Variants in CSMD3 observed in about 807,000 individuals in gnomAD.
CSMD3 encodes the protein CUB and Sushi multiple domains 3, also known as CUB and sushi domain-containing protein 3.
In CSMD3, 177 loss-of-function variants were observed where a neutral mutation model predicts 435.2. That is an observed-to-expected ratio of 0.41 (90% CI 0.36 to 0.46). CSMD3 has a LOEUF of 0.46. CSMD3 is among the 20% of genes least tolerant of loss of function. The probability of loss-of-function intolerance (pLI) is 0.34; values close to 1 mark genes in which losing one functional copy is unlikely to be tolerated. For synonymous variants in CSMD3, 1,656 were observed against 1,520.5 expected (o/e 1.09, Z -2.07); for missense variants, 4,265 against 4,504.6 (o/e 0.95, Z 1.52).
chr8:113,343,195 C>A (rs914079033), intron 1 of CSMD3, among the ~76,000 whole-genome samples: 11 of 151,610 alleles, frequency 7.3e-5, no homozygotes, highest in Non-Finnish European at 4.4e-5. Context: ...ACTTTTAAAG[C>A]TATTTAAGAG....
At chr8:112,808,840 A>T (rs2079154989) in intron 12 of CSMD3, among the ~76,000 whole-genome samples, 1 of 152,046 alleles carries the variant, frequency 6.6e-6, no homozygotes, top group Non-Finnish European at 1.5e-5. Context: ...GGTCGCCAGC[A>T]ATAAAAGGAC....
intron 5 of CSMD3, among the ~76,000 whole-genome samples, chr8:113,075,241 A>G (rs560253079): frequency 1.3e-4 from 19 of 151,970 alleles, no homozygotes; most frequent in African/African-American, 3.9e-4. Flanking sequence ...TGCCATTGAC[A>G]TCGTGAATCC....
At chr8:112,543,560 T>A (rs1162036445) in intron 27 of CSMD3, among the ~76,000 whole-genome samples, 1 of 151,988 alleles carries the variant, frequency 6.6e-6, no homozygotes, top group Non-Finnish European at 1.5e-5. Flanking sequence ...GTCAGGAGGG[T>A]TATTATTTAT....
chr8:112,554,162 T>C (rs1827920270), intron 25 of CSMD3, among the ~76,000 whole-genome samples: 1 of 151,764 alleles, frequency 6.6e-6, no homozygotes, highest in African/African-American at 2.4e-5. Context: ...AATAAAGCTC[T>C]ATAGATAGAT....
At chr8:113,399,742 G>T (rs2094501347) in intron 1 of CSMD3, among the ~76,000 whole-genome samples, 1 of 151,846 alleles carries the variant, frequency 6.6e-6, no homozygotes, top group African/African-American at 2.4e-5. Flanking sequence ...TTAGATTGTG[G>T]AGATGACTGT....
chr8:112,886,754 T>G (rs925123774), intron 10 of CSMD3, among the ~76,000 whole-genome samples: 1 of 151,562 alleles, frequency 6.6e-6, no homozygotes, highest in Non-Finnish European at 1.5e-5. Context: ...TCAAGTTCCT[T>G]ATAAAATGTG....
intron 63 of CSMD3, among the ~76,000 whole-genome samples, chr8:112,250,164 G>C (rs1563688028): frequency 6.6e-6 from 1 of 151,532 alleles, no homozygotes; most frequent in Non-Finnish European, 1.5e-5. Flanking sequence ...CCTTTATATT[G>C]GTCAGGTATA....
intron 53 of CSMD3, among the ~76,000 whole-genome samples, chr8:112,297,421 T>C (rs1417520822): frequency 6.6e-6 from 1 of 152,020 alleles, no homozygotes; most frequent in Non-Finnish European, 1.5e-5. Flanking sequence ...GAAATGAAGT[T>C]TGGCTAAATA....
Position 112,306,015 on chromosome 8 carries a change from C to G in CSMD3, c.8063G>C (p.Arg2688Pro), listed in dbSNP as rs376353166. ...GTWSNHNKTP[R>P]CVVVTCPSIN... Reference sequence around the variant, plus strand: ...TCCCTTGACACACATACCAACACAGCGAGGGGTCTTGTTATGATTGCTCCA... The same window carrying G: ...TCCCTTGACACACATACCAACACAGGGAGGGGTCTTGTTATGATTGCTCCA... Residue 2688 changes from arginine (R) to proline (P), a missense_variant, in exon 51 of 71, where the codon CGC becomes CCC. By Grantham distance (103) the Arg-to-Pro change is moderately radical. Around this residue, in one of 3 missense-constraint regions of CSMD3, gnomAD observed 3,255 missense variants for 3,380.2 expected, o/e 0.96. Coordinates refer to ENST00000297405, the MANE Select transcript of CSMD3 (RefSeq NM_198123.2). 1.2e-6 allele frequency: 2 copies of G among 1,613,266 alleles called. No homozygotes were observed. The highest frequency in any genetic ancestry group is 2.2e-5 in the South Asian group (2 of 91,076).
At chr8:113,291,216 GCTGT>G (rs1439342764) in intron 2 of CSMD3, among the ~76,000 whole-genome samples, 3 of 151,514 alleles carry the variant, frequency 2.0e-5, no homozygotes, top group Admixed American at 6.6e-5. Context: ...TAAATGTTTT[GCTGT>G]CTATTATGTA....
chr8:112,304,733 G>T lies in CSMD3; in HGVS notation c.8254C>A (p.Pro2752Thr), dbSNP rs768440490. ...NGTWSWRNERPYCQIISCGEL... is the reference protein window; with the variant it reads ...NGTWSWRNERTYCQIISCGEL... ...AGTGTATACTTACTTTGGCAATATG[G>T]TCTTTCATTTCTCCAACTCCAAGTA... The change falls in exon 52 of 71, where the codon CCA becomes ACA. Residue 2752 changes from proline to threonine, a missense_variant. Transcript: ENST00000297405. 3 of 1,612,506 alleles carry T rather than the reference G, an allele frequency of 1.9e-6. No individual in the cohort carries two copies. The highest frequency in any genetic ancestry group is 2.5e-6 in the Non-Finnish European group (3 of 1,178,592).
chr8:112,930,800 T>G (rs1587699173), intron 9 of CSMD3, among the ~76,000 whole-genome samples: 1 of 152,108 alleles, frequency 6.6e-6, no homozygotes, highest in East Asian at 1.9e-4. Context: ...CCTCATTGTC[T>G]GTGAACTGTT....
chr8:112,783,412 A>AGGAAGGAGGGAG (rs2078444457), intron 13 of CSMD3, among the ~76,000 whole-genome samples: 2 of 78,858 alleles, frequency 2.5e-5, no homozygotes, highest in African/African-American at 1.1e-4. Context: ...GAAGGAAGGA[A>AGGAAGGAGGGAG]GGAGGGAGGG....
At position 112,352,464 on chromosome 8, in the gene CSMD3, C is replaced by A. The variant is rs1188901665; in HGVS notation, c.6207G>T (p.Met2069Ile). The A allele has an allele frequency of 1.2e-6, 2 of 1,613,530 alleles. No homozygotes were observed. Among genetic ancestry groups the A allele is most frequent in the Non-Finnish European group, 1.7e-6 (2 of 1,179,772 alleles). ...SSGIKIGDRY[M>I]VGDVVSFQCD... ...ACTGAAAGGATACTACATCTCCAAC[C>A]ATATATCTGTCTCCAATTTTAATTC... The change falls in exon 39 of 71, where the codon ATG (methionine) becomes ATT (isoleucine). Residue 2069 changes from methionine to isoleucine, a missense_variant. Transcript: ENST00000297405.
intron 59 of CSMD3, among the ~76,000 whole-genome samples, chr8:112,272,632 C>T (rs371874511): frequency 3.7e-4 from 57 of 152,176 alleles, no homozygotes; most frequent in African/African-American, 1.3e-3. Flanking sequence ...ATACGTGATG[C>T]CTGAGTTTCT....
chr8:112,409,844 G>GT lies in CSMD3; in HGVS notation c.5396-813dup, dbSNP rs907418488. Among the ~76,000 whole-genome samples the GT allele has an allele frequency of 8.6e-4, 129 of 149,648 alleles. 1 individual carries two copies. The highest frequency in any genetic ancestry group is 3.2e-3 in the South Asian group (15 of 4,732). ...AAGAACAGAAATCAGTTTGCTTTGT[G>GT]TTTTTTTTTCTTAAATAAAATCAGT... On this transcript the variant is annotated intron_variant, in intron 32 of 70. Transcript: ENST00000297405.
At chr8:112,312,173 G>T (rs187672053) in intron 49 of CSMD3, among the ~76,000 whole-genome samples, 11 of 152,216 alleles carry the variant, frequency 7.2e-5, no homozygotes, top group Non-Finnish European at 1.6e-4. Context: ...TTAATAAAAA[G>T]ATATTTACAT....
At chr8:112,672,592 A>T (rs2075683696) in intron 16 of CSMD3, among the ~76,000 whole-genome samples, 1 of 151,858 alleles carries the variant, frequency 6.6e-6, no homozygotes, top group African/African-American at 2.4e-5. Flanking sequence ...CAGCTCCAAG[A>T]CTCCATTGGT....
intron 67 of CSMD3, among the ~76,000 whole-genome samples, chr8:112,235,380 C>T (rs768028800): frequency 6.6e-6 from 1 of 151,178 alleles, no homozygotes; most frequent in Non-Finnish European, 1.5e-5. Flanking sequence ...CAAGACTCTG[C>T]CTCAAAAAAA....
Sources: gnomAD v4.1 joint callset for allele counts (sites outside exome capture counted in the v4.1 genomes callset) on GRCh38, gnomAD v4.1.1 for gene constraint, gnomAD v4.1.1 regional missense constraint, MANE v1.5 for transcripts, NCBI Gene and HGNC (gene_info 2026-07-23, HGNC 2026-07-21) for gene names.